GP2: variants seen among roughly 807,000 people sequenced by gnomAD.
The protein encoded by GP2 is glycoprotein 2.
In GP2, 58 loss-of-function variants were observed where a neutral mutation model predicts 60.8. The observed-to-expected ratio is 0.95, with a 90% CI of 0.77 to 1.19. The LOEUF is 1.19. GP2 is among the 50% of genes most tolerant of loss of function. GP2 has a pLI of 0.00. For synonymous variants in GP2, 280 were observed against 253.4 expected (o/e 1.10, Z -1.00); for missense variants, 647 against 667.4 (o/e 0.97, Z 0.34).
intron 6 of GP2, among the ~76,000 whole-genome samples, chr16:20,318,912 C>T (rs767990741): frequency 2.6e-4 from 39 of 152,122 alleles, no homozygotes; most frequent in Non-Finnish European, 5.0e-4. Context: ...GATCCTGTTG[C>T]TTTGTGATCC....
intron 3 of GP2, chr16:20,323,488 C>CA (rs1261027027): frequency 1.2e-5 from 7 of 589,898 alleles, no homozygotes; most frequent in East Asian, 7.0e-5. Context: ...TTGCTGTACC[C>CA]CCCCCCCCTT....
At chr16:20,327,378 T>G (rs1596530910) in intron 1 of GP2, 89 bp downstream of exon 1, 1 of 989,098 alleles carries the variant, frequency 1.0e-6, no homozygotes, top group East Asian at 6.1e-5. Flanking sequence ...TTCTAAAAAT[T>G]TCCAGAAACA....
In GP2 at chr16:20,316,011, T is replaced by C. The variant is rs760150813; in HGVS notation, c.1446A>G (p.Glu482=). The part of the protein sequence containing the change: ...PSCSRSQVRS[E]VPAIDLARVL... Reference sequence around the variant, plus strand: ...CCCGGGCTAGGTCGATGGCCGGTACTTCACTGCGGACTTGACTTCTTGAGC... The same window carrying C: ...CCCGGGCTAGGTCGATGGCCGGTACCTCACTGCGGACTTGACTTCTTGAGC... The change falls in exon 9 of 11, where the codon GAA becomes GAG. Residue 482 remains glutamate (E), a synonymous_variant. Coordinates refer to ENST00000302555, the MANE Select transcript of GP2 (RefSeq NM_001502.4). 10 of 1,613,192 alleles carry C rather than the reference T, an allele frequency of 6.2e-6. No individual in the cohort carries two copies. The South Asian group carries it at 1.1e-4, about 18-fold the overall frequency.
At position 20,317,365 on chromosome 16, in the gene GP2, G is replaced by T; in HGVS notation, c.1264C>A (p.Gln422Lys). 1 of 1,613,374 alleles carries T rather than the reference G, an allele frequency of 6.2e-7. No homozygotes were observed. Residue 422 changes from glutamine (Q) to lysine (K), a missense_variant, in exon 8 of 11, where the codon CAA (glutamine) becomes AAA (lysine). Gln to Lys is a moderately conservative substitution (Grantham distance 53, BLOSUM62 1). Transcript: ENST00000302555. ...YFIIRNSCSN[Q>K]RDSTIHVEEN... is the part of the protein sequence containing the mutation. ...TCCACGTGGATGGTGGAATCACGTTGATTTGAGCAGCTGGGAGGGTGACAG... is the reference window on the plus strand; with the variant it reads ...TCCACGTGGATGGTGGAATCACGTTTATTTGAGCAGCTGGGAGGGTGACAG...
rs1393627356 is a variant in GP2 at position 20,324,002 on chromosome 16, C to T, written c.349G>A (p.Ala117Thr). Residue 117 changes from alanine (A) to threonine (T), a missense_variant, in exon 3 of 11, where the codon GCT (alanine) becomes ACT (threonine). By Grantham distance (58) the Ala-to-Thr change is moderately conservative. Coordinates refer to ENST00000302555, the MANE Select transcript of GP2 (RefSeq NM_001502.4). ...CVQVHRCQTDAPMWLNGTHPA... is the reference protein window; with the variant it reads ...CVQVHRCQTDTPMWLNGTHPA... ...TGGGTCCCATTCAGCCACATGGGAGCGTCTGTCTGGCATCGGTGCACCTGG... is the reference window on the plus strand; with the variant it reads ...TGGGTCCCATTCAGCCACATGGGAGTGTCTGTCTGGCATCGGTGCACCTGG... 2.5e-6 allele frequency: 4 copies of T among 1,614,090 alleles called. No homozygotes were observed. Among genetic ancestry groups the T allele is most frequent in the South Asian group, 1.1e-5 (1 of 91,076 alleles).
At chr16:20,317,525 A>G in intron 7 of GP2, 150 bp from the exon 8 acceptor site, 2 of 640,766 alleles carry the variant, frequency 3.1e-6, no homozygotes, top group Non-Finnish European at 5.4e-6. Context: ...CACATGGCTT[A>G]AATTATTTGA....
Position 20,320,134 on chromosome 16 carries a change from G to C in GP2, c.858+128C>G, listed in dbSNP as rs1333060929. On this transcript the variant is annotated intron_variant, in intron 5 of 10. Transcript: ENST00000302555. ...CTAAGCTCTTTATGTAAACCAACTT[G>C]TGCACTCTCACACAACCCTGGGGGC... 7 of 680,546 alleles carry C rather than the reference G, an allele frequency of 1.0e-5. No homozygotes were observed. In the East Asian group the frequency reaches 1.8e-4, roughly 18 times the overall value. 42.2% of individuals were successfully genotyped at this position (680,546 alleles called of 1,614,324 possible).
At chr16:20,325,241 A>AGTGGT (rs1441553193) in intron 2 of GP2, among the ~76,000 whole-genome samples, 3 of 152,216 alleles carry the variant, frequency 2.0e-5, no homozygotes, top group Non-Finnish European at 4.4e-5. Flanking sequence ...CCTGTGAACC[A>AGTGGT]GTGGTTCTCA....
At position 20,318,242 on chromosome 16, in the gene GP2, T is replaced by A; in HGVS notation, c.1196A>T (p.Tyr399Phe). 6.2e-7 allele frequency: 1 copy of A among 1,612,390 alleles called. No homozygotes were observed. The highest frequency in any genetic ancestry group is 8.5e-7 in the Non-Finnish European group (1 of 1,178,396). Residue 399 changes from tyrosine to phenylalanine, a missense_variant, in exon 7 of 11, where the codon TAT becomes TTT. By Grantham distance (22) the Tyr-to-Phe change is conservative (BLOSUM62 3). Transcript: ENST00000302555. ...AGCCTTGTCTTCAGTGGGGGTGGCATAGCAGTTCCTCAACACCAGGTTAAA... is the reference window on the plus strand; with the variant it reads ...AGCCTTGTCTTCAGTGGGGGTGGCAAAGCAGTTCCTCAACACCAGGTTAAA... The part of the protein sequence containing the change: ...SRFNLVLRNC[Y>F]ATPTEDKADL...
At chr16:20,327,040 C>T in intron 1 of GP2, 1 of 163,704 alleles carries the variant, frequency 6.1e-6, no homozygotes, top group Non-Finnish European at 1.3e-5. Flanking sequence ...ATTTACTTTT[C>T]TGGGAAATAC....
chr16:20,319,778 A>G lies in GP2; in HGVS notation c.859-10T>C. The G allele has an allele frequency of 6.2e-7, 1 of 1,608,998 alleles. No homozygotes were observed. Among genetic ancestry groups the G allele is most frequent in the South Asian group, 1.1e-5 (1 of 90,910 alleles). Reference sequence around the variant, plus strand: ...CATGGGTTTGATTTCTCTTTGGCAAAAAAACAAAACCATACAGATGTTTAT... The same window carrying G: ...CATGGGTTTGATTTCTCTTTGGCAAGAAAACAAAACCATACAGATGTTTAT... On this transcript the variant is annotated splice_polypyrimidine_tract_variant and intron_variant, in intron 5 of 10. Transcript: ENST00000302555.
At position 20,320,289 on chromosome 16, in the gene GP2, C is replaced by A. The variant is rs532302253; in HGVS notation, c.831G>T (p.Gln277His). The change falls in exon 5 of 11, where the codon CAG becomes CAT. Residue 277 changes from glutamine to histidine, a missense_variant. Transcript: ENST00000302555. ...CCAGAATGTTCCTGCAGGCACTAGC[C>A]TGGACGGGGCTGGTCACAGATACCC... ...RNWVSVTSPV[Q>H]ASACRNILER... 1 of 1,614,054 alleles carries A rather than the reference C, an allele frequency of 6.2e-7. No homozygotes were observed. The highest frequency in any genetic ancestry group is 2.2e-5 in the East Asian group (1 of 44,878).
In GP2 at chr16:20,324,107, A is replaced by C; in HGVS notation, c.244T>G (p.Ser82Ala). 6.2e-7 allele frequency: 1 copy of C among 1,614,100 alleles called. No homozygotes were observed. ...CTCATGTTTTTATCGCACCCCTGGG[A>C]CCCTGCTGAGTTCTCTGTGCTTCGG... ...PFRSTENSAGSQGCDKNMSGW... is the reference protein window; with the variant it reads ...PFRSTENSAGAQGCDKNMSGW... The change falls in exon 3 of 11, where the codon TCC (serine) becomes GCC (alanine). Residue 82 changes from serine (S) to alanine (A), a missense_variant. By Grantham distance (99) the Ser-to-Ala change is moderately conservative. Transcript: ENST00000302555.
At chr16:20,313,247 C>G (rs1418343418) in intron 10 of GP2, among the ~76,000 whole-genome samples, 4 of 84,340 alleles carry the variant, frequency 4.7e-5, no homozygotes, top group Admixed American at 3.3e-4. Flanking sequence ...TTCTCTCTCT[C>G]TCTCTGTCTC....
At chr16:20,325,107 G>C (rs1245769150) in intron 2 of GP2, among the ~76,000 whole-genome samples, 1 of 152,230 alleles carries the variant, frequency 6.6e-6, no homozygotes, top group African/African-American at 2.4e-5. Flanking sequence ...GTATGAAGAG[G>C]CAGAGAAGTG....
chr16:20,318,386 C>T lies in GP2; in HGVS notation c.1052G>A (p.Arg351Lys), dbSNP rs754342982. The T allele has an allele frequency of 6.2e-7, 1 of 1,613,064 alleles. No individual in the cohort carries two copies. The highest frequency in any genetic ancestry group is 8.5e-7 in the Non-Finnish European group (1 of 1,179,064). The change falls in exon 7 of 11, where the codon AGG becomes AAG. Residue 351 changes from arginine to lysine, a missense_variant. By Grantham distance (26) the Arg-to-Lys change is conservative. Transcript: ENST00000302555. ...SVDGNGEFIV[R>K]MALFQDQNYT... Reference sequence around the variant, plus strand: ...GTTCTGGTCTTGGAAGAGGGCCATCCTGACAATGAACTCTCCATTCCCGTC... The same window carrying T: ...GTTCTGGTCTTGGAAGAGGGCCATCTTGACAATGAACTCTCCATTCCCGTC...
At position 20,320,400 on chromosome 16, in the gene GP2, C is replaced by A; in HGVS notation, c.720G>T (p.Leu240=). Reference sequence around the variant, plus strand: ...CCTCCTCCCCCAAACCCAGGCCTCCCAGCAAACATTTGTCCACCTTCACCT... The same window carrying A: ...CCTCCTCCCCCAAACCCAGGCCTCCAAGCAAACATTTGTCCACCTTCACCT... The part of the protein sequence containing the change: ...EIKVKVDKCL[L]GGLGLGEEVI... The change falls in exon 5 of 11, where the codon CTG becomes CTT. Residue 240 remains leucine (L), a synonymous_variant. Transcript: ENST00000302555. 1 of 1,614,010 alleles carries A rather than the reference C, an allele frequency of 6.2e-7. No homozygotes were observed.
At chr16:20,315,549 G>T (rs1307163810) in intron 9 of GP2, among the ~76,000 whole-genome samples, 1 of 152,146 alleles carries the variant, frequency 6.6e-6, no homozygotes, top group Non-Finnish European at 1.5e-5. Flanking sequence ...ATAAGGAACT[G>T]AATTATGGGG....
At position 20,322,928 on chromosome 16, in the gene GP2, T is replaced by G; in HGVS notation, c.587A>C (p.Glu196Ala). 1.2e-6 allele frequency: 2 copies of G among 1,613,364 alleles called. No homozygotes were observed. Among genetic ancestry groups the G allele is most frequent in the Non-Finnish European group, 1.7e-6 (2 of 1,179,332 alleles). The change falls in exon 4 of 11, where the codon GAG becomes GCG. Residue 196 changes from glutamate (E) to alanine (A), a missense_variant. Physicochemically the swap from Glu to Ala is moderately radical, Grantham distance 107. Transcript: ENST00000302555. ...KCEKACRPEEECLALNSTWGC... is the reference protein window; with the variant it reads ...KCEKACRPEEACLALNSTWGC... Reference sequence around the variant, plus strand: ...CCAGGTGCTGTTGAGGGCAAGGCACTCCTCCTCGGGGCGGCAGGCCTTCTC... The same window carrying G: ...CCAGGTGCTGTTGAGGGCAAGGCACGCCTCCTCGGGGCGGCAGGCCTTCTC...
Sources: gnomAD v4.1 joint callset for allele counts (sites outside exome capture counted in the v4.1 genomes callset) on GRCh38, gnomAD v4.1.1 for gene constraint, MANE v1.5 for transcripts, NCBI Gene and HGNC (gene_info 2026-07-23, HGNC 2026-07-21) for gene names.